PDE10A: variants seen among roughly 807,000 people sequenced by gnomAD.
PDE10A encodes the protein phosphodiesterase 10A.
Under a neutral mutation model 97.7 loss-of-function variants are expected in PDE10A, and 39 were observed. The ratio of observed to expected loss-of-function variants is 0.40; its 90% CI spans 0.31 to 0.52. PDE10A has a LOEUF of 0.52. Among genes scored for constraint, PDE10A ranks in the 20% least tolerant of loss-of-function variants. The pLI, the probability that PDE10A is intolerant of heterozygous loss-of-function variation, is 0.56. For synonymous variants in PDE10A, 371 were observed against 376.8 expected (o/e 0.98, Z 0.18); for missense variants, 731 against 1,047.8 (o/e 0.70, Z 4.17).
intron 1 of PDE10A, among the ~76,000 whole-genome samples, chr6:165,627,900 T>C (rs1225199514): frequency 6.6e-6 from 1 of 152,160 alleles, no homozygotes; most frequent in East Asian, 1.9e-4. Flanking sequence ...GTCCAACCCA[T>C]AAAGCTGAAG....
At chr6:165,705,493 C>T (rs944062523) in intron 1 of PDE10A, among the ~76,000 whole-genome samples, 3 of 152,208 alleles carry the variant, frequency 2.0e-5, no homozygotes, top group South Asian at 4.1e-4. Context: ...GCACCTAGCT[C>T]GGTGCCTGAT....
chr6:165,685,960 T>A (rs895635741), intron 1 of PDE10A, among the ~76,000 whole-genome samples: 1 of 152,148 alleles, frequency 6.6e-6, no homozygotes, highest in African/African-American at 2.4e-5. Context: ...AGAAAAAAAT[T>A]AATAATAAAG....
At chr6:165,988,039 C>A (rs1298433975), upstream of PDE10A, 2 of 442,748 alleles carry the variant, frequency 4.5e-6, no homozygotes, top group East Asian at 1.4e-4. Context: ...CTCTCAGGAA[C>A]GACTCTCCCG....
intron 10 of PDE10A, among the ~76,000 whole-genome samples, chr6:165,425,846 T>C (rs1012375023): frequency 6.6e-5 from 10 of 151,270 alleles, no homozygotes; most frequent in Non-Finnish European, 8.8e-5. Flanking sequence ...GGAACTAATA[T>C]ATGAGTTCAT....
chr6:165,936,958 G>T (rs564120566), intron 1 of PDE10A, among the ~76,000 whole-genome samples: 4 of 152,346 alleles, frequency 2.6e-5, no homozygotes, highest in East Asian at 3.9e-4. Context: ...AGTATGGTTT[G>T]CTTAGGGTTA....
chr6:165,923,732 T>C (rs1583289802), intron 1 of PDE10A, among the ~76,000 whole-genome samples: 1 of 152,320 alleles, frequency 6.6e-6, no homozygotes, highest in South Asian at 2.1e-4. Context: ...TTTGGGATTA[T>C]ACTCCGAGTA....
At chr6:165,721,737 C>G (rs533986046) in intron 1 of PDE10A, among the ~76,000 whole-genome samples, 2 of 152,340 alleles carry the variant, frequency 1.3e-5, no homozygotes, top group Middle Eastern at 6.8e-3. Context: ...TTTGTAGATT[C>G]ACTATCTGTG....
rs971349786 is a variant in PDE10A, at chr6:165,428,839, T to C, written c.1602-130A>G. The C allele has an allele frequency of 1.6e-5, 8 of 514,830 alleles. No homozygotes were observed. The South Asian group carries it at 2.1e-4, about 13-fold the overall frequency. The allele number at this position is 514,830 out of a possible 1,614,324, so 31.9% of individuals were successfully genotyped here. A position where few individuals can be genotyped will look rare whatever the true frequency, so the allele number is the denominator to read the frequency against. On this transcript the variant is annotated intron_variant, in intron 9 of 21. Coordinates refer to ENST00000539869, the MANE Select transcript of PDE10A (RefSeq NM_001385079.1). The stretch of plus-strand genomic sequence containing the variant: ...ATAAAGATAAATGTCATTTGATTTT[T>C]CTGCTTTGGCAAAAAAAAAAATCAG...
intron 1 of PDE10A, among the ~76,000 whole-genome samples, chr6:165,866,141 A>T (rs531236565): frequency 6.6e-6 from 1 of 152,308 alleles, no homozygotes; most frequent in African/African-American, 2.4e-5. Flanking sequence ...AGACTGGCTA[A>T]ATGGAAAAAA....
chr6:165,852,738 G>A (rs1583190894), intron 1 of PDE10A, among the ~76,000 whole-genome samples: 1 of 152,158 alleles, frequency 6.6e-6, no homozygotes, highest in Non-Finnish European at 1.5e-5. Context: ...ATGCGGGTGA[G>A]ATACAGCTGC....
chr6:165,457,579 G>A (rs574444766), intron 3 of PDE10A, among the ~76,000 whole-genome samples: 16 of 152,104 alleles, frequency 1.1e-4, no homozygotes, highest in African/African-American at 3.1e-4. Context: ...TATAACATAC[G>A]TCAAGCTACA....
rs1285080522 is a variant in PDE10A, at chr6:165,711,587, A to G, written c.-614-168019T>C. 2.0e-5 allele frequency among the ~76,000 whole-genome samples: 3 copies of G among 152,124 alleles called. No homozygotes were observed. The highest frequency in any genetic ancestry group is 4.4e-5 in the Non-Finnish European group (3 of 68,012). On this transcript the variant is annotated intron_variant, in intron 1 of 19. Transcript: ENST00000366882. This position sits in a 1 kb window ranked among gnomAD's most constrained non-coding sequence, Gnocchi z 4.5. ...TTTCTAGATCCTCCAGCCAGGCCCA[A>G]ACGCTGAGGAATGTGAGTGTGTGTC...
intron 1 of PDE10A, among the ~76,000 whole-genome samples, chr6:165,893,499 G>C (rs775863979): frequency 9.2e-5 from 14 of 152,236 alleles, no homozygotes; most frequent in East Asian, 3.8e-4. Context: ...GCTAGAATGA[G>C]GCTCAGAGAA....
intron 1 of PDE10A, among the ~76,000 whole-genome samples, chr6:165,577,174 T>C (rs1785352411): frequency 6.6e-6 from 1 of 152,222 alleles, no homozygotes; most frequent in Admixed American, 6.5e-5. Flanking sequence ...GTTTAAGTAA[T>C]CTGAAGCAGG....
intron 2 of PDE10A, among the ~76,000 whole-genome samples, chr6:165,541,951 T>A (rs969050243): frequency 2.0e-5 from 3 of 152,154 alleles, no homozygotes; most frequent in Non-Finnish European, 4.4e-5. Context: ...CAAAACAAAA[T>A]TTCAGAAACT....
chr6:165,877,532 T>A (rs998673013), intron 1 of PDE10A, among the ~76,000 whole-genome samples: 2 of 152,196 alleles, frequency 1.3e-5, no homozygotes, highest in Non-Finnish European at 2.9e-5. Context: ...GACAAAAAAT[T>A]GTATAGATAC....
chr6:165,453,195 T>G (rs1309787468), intron 3 of PDE10A, among the ~76,000 whole-genome samples: 1 of 152,214 alleles, frequency 6.6e-6, no homozygotes, highest in Non-Finnish European at 1.5e-5. Context: ...TCTTCATGAC[T>G]ACTCTTAACT....
In PDE10A at chr6:165,572,189, G is replaced by C. The variant is rs112819253; in HGVS notation, c.866-28621C>G. Among the ~76,000 whole-genome samples the C allele has an allele frequency of 5.1e-3, 778 of 152,262 alleles. 3 individuals carry two copies. The highest frequency in any genetic ancestry group is 0.017 in the African/African-American group (717 of 41,540). Reference sequence around the variant, plus strand: ...CAAGTTTAGTGCTTGAAGAAATGTGGAATTATTATTCTGGTCTCTACGGCA... The same window carrying C: ...CAAGTTTAGTGCTTGAAGAAATGTGCAATTATTATTCTGGTCTCTACGGCA... On this transcript the variant is annotated intron_variant, in intron 1 of 21. Transcript: ENST00000539869.
At chr6:165,835,136 G>A (rs1780032989) in intron 1 of PDE10A, among the ~76,000 whole-genome samples, 1 of 152,354 alleles carries the variant, frequency 6.6e-6, no homozygotes, top group South Asian at 2.1e-4. Context: ...GTCCTCGGAT[G>A]TGTCAGAAAC....
Sources: allele counts gnomAD v4.1 joint callset (sites outside exome capture counted in the v4.1 genomes callset), GRCh38; gene constraint gnomAD v4.1.1; non-coding constraint Gnocchi (gnomAD v3.1); transcripts MANE v1.5; gene names NCBI Gene and HGNC (gene_info 2026-07-23, HGNC 2026-07-21).